The following SORT1 variants were observed in gnomAD, a reference collection of about 807,000 sequenced individuals.
The protein encoded by SORT1 is sortilin 1.
SORT1 carries 39 observed loss-of-function variants against 101.7 expected under a neutral mutation model. The ratio of observed to expected loss-of-function variants is 0.38; its 90% CI spans 0.30 to 0.50. The LOEUF (loss-of-function observed/expected upper bound fraction) is 0.50. Ranked by LOEUF, SORT1 falls within the 20% of genes least tolerant of loss-of-function variation. The pLI, the probability that SORT1 is intolerant of heterozygous loss-of-function variation, is 0.90. For missense variants in SORT1, 878 were observed against 1,040.4 expected (o/e 0.84, Z 2.15); for synonymous variants, 396 against 393.7 (o/e 1.01, Z -0.07).
At chr1:109,343,391 C>T (rs1206521110) in intron 8 of SORT1, among the ~76,000 whole-genome samples, 1 of 152,162 alleles carries the variant, frequency 6.6e-6, no homozygotes, top group Non-Finnish European at 1.5e-5. Flanking sequence ...ACTCAATGGT[C>T]CTGATTTCCC....
rs941762831 is a variant in SORT1, at chr1:109,373,197, C to T, written c.307-3608G>A. Reference sequence around the variant, plus strand: ...CAAGGAGGACCCTACAGCTAACTGGCTTACTGCCTGGAGAGAATTTCAGGC... The same window carrying T: ...CAAGGAGGACCCTACAGCTAACTGGTTTACTGCCTGGAGAGAATTTCAGGC... On this transcript the variant is annotated intron_variant, in intron 1 of 19. Transcript: ENST00000256637. 7.9e-5 allele frequency among the ~76,000 whole-genome samples: 12 copies of T among 152,306 alleles called. 2 individuals carry two copies. The highest frequency in any genetic ancestry group is 1.7e-4 in the African/African-American group (7 of 41,550).
At chr1:109,394,126 G>A (rs1014289156) in intron 1 of SORT1, among the ~76,000 whole-genome samples, 1 of 151,948 alleles carries the variant, frequency 6.6e-6, no homozygotes, top group Admixed American at 6.6e-5. Context: ...ACAAAATTAG[G>A]GAGCATAATT....
Position 109,326,468 on chromosome 1 carries a change from T to TATATATATAC in SORT1, c.1643+523_1643+524insGTATATATAT, listed in dbSNP as rs1211636566. 6.2e-4 allele frequency among the ~76,000 whole-genome samples: 39 copies of TATATATATAC among 62,714 alleles called. 1 individual carries two copies. The highest frequency in any genetic ancestry group is 2.0e-3 in the African/African-American group (31 of 15,330). 41.1% of individuals were successfully genotyped at this position (62,714 alleles called of 152,430 possible). A position where few individuals can be genotyped will look rare whatever the true frequency, so the allele number is the denominator to read the frequency against. The stretch of plus-strand genomic sequence containing the variant: ...ATATATATATATATATATATATACA[T>TATATATATAC]ACACACACACACACACATATATATA... On this transcript the variant is annotated intron_variant, in intron 13 of 19. Coordinates refer to ENST00000256637, the MANE Select transcript of SORT1 (RefSeq NM_002959.7).
At chr1:109,319,914 C>T (rs1009463562) in intron 15 of SORT1, among the ~76,000 whole-genome samples, 2 of 152,000 alleles carry the variant, frequency 1.3e-5, no homozygotes, top group African/African-American at 2.4e-5. Flanking sequence ...TGCAGTGCCC[C>T]TAAGGCTCAA....
rs201347823 is a variant in SORT1 at position 109,327,015 on chromosome 1, G to A, written c.1620C>T (p.Ser540=). ...SGGIIVAIEH[S]SRPINVIKFS... ...ACTTAATCACATTGATAGGACGGCT[G>A]CTGTGCTCAATGGCCACAATGATGC... Residue 540 remains serine, a synonymous_variant, in exon 13 of 20, where the codon AGC becomes AGT. Transcript: ENST00000256637. 1.7e-3 allele frequency: 2,814 copies of A among 1,612,182 alleles called. 75 individuals are homozygous for A. In the South Asian group the frequency reaches 0.029, roughly 17 times the overall value.
chr1:109,317,873 T>C lies in SORT1; in HGVS notation c.2121A>G (p.Glu707=). Residue 707 remains glutamate, a synonymous_variant, in exon 16 of 20, where the codon GAA becomes GAG. Transcript: ENST00000256637. ...HDLEFCLYGR[E]EHLTTNGYRK... ...CTCACCCATTTGTTGTTAGGTGTTC[T>C]TCTCTTCCGTACAGACAAAACTCCA... 2 of 1,612,628 alleles carry C rather than the reference T, an allele frequency of 1.2e-6. No homozygotes were observed. The highest frequency in any genetic ancestry group is 1.7e-6 in the Non-Finnish European group (2 of 1,178,654).
chr1:109,394,437 T>C (rs555270632), intron 1 of SORT1, among the ~76,000 whole-genome samples: 7 of 152,198 alleles, frequency 4.6e-5, no homozygotes, highest in African/African-American at 7.2e-5. Context: ...AAAAAAACCT[T>C]AGAGAGAAAA....
chr1:109,310,647 A>C lies in SORT1; in HGVS notation c.*3396T>G, dbSNP rs1022427710. On this transcript the variant is annotated 3_prime_UTR_variant, in exon 20 of 20. Transcript: ENST00000256637. The stretch of plus-strand genomic sequence containing the variant: ...TATAGGGGCGAGGGGCTACACTGAC[A>C]ATGAGCAGGATGCACTCTAGGTCAT... 2.0e-5 allele frequency: 3 copies of C among 152,958 alleles called. No individual in the cohort carries two copies. The highest frequency in any genetic ancestry group is 2.9e-5 in the Non-Finnish European group (2 of 68,042). 9.5% of individuals were successfully genotyped at this position (152,958 alleles called of 1,614,324 possible).
At chr1:109,343,076 T>C (rs1316606043) in intron 8 of SORT1, among the ~76,000 whole-genome samples, 2 of 152,188 alleles carry the variant, frequency 1.3e-5, no homozygotes, top group African/African-American at 4.8e-5. Flanking sequence ...CAGTATAGCA[T>C]AGGAAGCTAC....
At chr1:109,379,732 A>C (rs1652101590) in intron 1 of SORT1, among the ~76,000 whole-genome samples, 1 of 152,166 alleles carries the variant, frequency 6.6e-6, no homozygotes, top group Admixed American at 6.5e-5. Flanking sequence ...AAAATTTATT[A>C]ATCCCATGAC....
At chr1:109,367,635 AATG>A (rs1236610826) in intron 2 of SORT1, among the ~76,000 whole-genome samples, 154 bp from the exon 3 acceptor site, 11 of 152,226 alleles carry the variant, frequency 7.2e-5, no homozygotes, top group Non-Finnish European at 8.8e-5. Context: ...TAGGGCTGAG[AATG>A]ATGAGAAAGT....
chr1:109,326,464 TACATACACACACACACACAC>T (rs1557784417), intron 13 of SORT1, among the ~76,000 whole-genome samples: 5 of 64,082 alleles, frequency 7.8e-5, no homozygotes, highest in East Asian at 4.7e-4. Context: ...TATATATATA[TACATACACACACACACACAC>T]ATATATATAC....
At chr1:109,347,851 T>C (rs1649702394) in intron 6 of SORT1, among the ~76,000 whole-genome samples, 1 of 152,238 alleles carries the variant, frequency 6.6e-6, no homozygotes. Flanking sequence ...GGAGGTGTTA[T>C]TGGCATCTAC....
chr1:109,368,406 A>G (rs1188565578), intron 2 of SORT1: 1 of 152,170 alleles, frequency 6.6e-6, no homozygotes, highest in African/African-American at 2.4e-5. Flanking sequence ...AACTATGCTT[A>G]AAGAAATTCT....
intron 3 of SORT1, among the ~76,000 whole-genome samples, 180 bp from the exon 4 acceptor site, chr1:109,355,649 C>T (rs896005480): frequency 7.4e-6 from 1 of 134,616 alleles, no homozygotes; most frequent in Non-Finnish European, 1.6e-5. Flanking sequence ...CCACCCGCCC[C>T]CCCCCCCACA....
In SORT1 at chr1:109,322,694, TA is replaced by T. The variant is rs1298489647; in HGVS notation, c.2024+237del. ...ATAGGCGTGCGCCACCATGCCCTGCTAATTTTTTTTTGTTTGTTTGTTTTTT... is the reference window on the plus strand; with the variant it reads ...ATAGGCGTGCGCCACCATGCCCTGCTATTTTTTTTTGTTTGTTTGTTTTTT... On this transcript the variant is annotated intron_variant, in intron 15 of 19. Coordinates refer to ENST00000256637, the MANE Select transcript of SORT1 (RefSeq NM_002959.7). Among the ~76,000 whole-genome samples the T allele has an allele frequency of 3.3e-5, 5 of 152,140 alleles. No individual in the cohort carries two copies. In the East Asian group the frequency reaches 9.6e-4, roughly 29 times the overall value.
chr1:109,329,166 G>A (rs558308644), intron 11 of SORT1, among the ~76,000 whole-genome samples: 2 of 152,274 alleles, frequency 1.3e-5, no homozygotes, highest in African/African-American at 4.8e-5. Context: ...AAAGGCCTAT[G>A]TGTGTAAGAG....
intron 11 of SORT1, among the ~76,000 whole-genome samples, chr1:109,334,536 G>C (rs541385207): frequency 6.6e-6 from 1 of 152,118 alleles, no homozygotes; most frequent in East Asian, 1.9e-4. Context: ...TTGGGGTATG[G>C]GGAGATGAAG....
At chr1:109,394,033 A>G (rs890875524) in intron 1 of SORT1, among the ~76,000 whole-genome samples, 2 of 152,192 alleles carry the variant, frequency 1.3e-5, no homozygotes, top group Admixed American at 1.3e-4. Context: ...AGGATCACAC[A>G]GTGACATGGC....
Sources: gnomAD v4.1 joint callset for allele counts (sites outside exome capture counted in the v4.1 genomes callset) on GRCh38, gnomAD v4.1.1 for gene constraint, MANE v1.5 for transcripts, NCBI Gene and HGNC (gene_info 2026-07-23, HGNC 2026-07-21) for gene names.